Variants in SH3RF3 observed in about 807,000 individuals in gnomAD.
SH3RF3 encodes the protein E3 ubiquitin-protein ligase SH3RF3.
SH3RF3 carries 29 observed loss-of-function variants against 66.3 expected under a neutral mutation model. The observed-to-expected ratio is 0.44, with a 90% CI of 0.33 to 0.60. SH3RF3 has a LOEUF of 0.60. SH3RF3 is among the 20% of genes least tolerant of loss of function. SH3RF3 has a pLI of 0.04. For synonymous variants in SH3RF3, 583 were observed against 532.0 expected (o/e 1.10, Z -1.32); for missense variants, 1,194 against 1,190.9 (o/e 1.00, Z -0.04).
intron 8 of SH3RF3, among the ~76,000 whole-genome samples, chr2:109,461,111 A>C (rs1244885878): frequency 6.6e-6 from 1 of 152,220 alleles, no homozygotes; most frequent in Admixed American, 6.5e-5. Flanking sequence ...TTCCTCATGT[A>C]ACTTACTGGT....
chr2:109,219,176 G>A (rs1238144144), intron 1 of SH3RF3, among the ~76,000 whole-genome samples: 2 of 152,170 alleles, frequency 1.3e-5, no homozygotes, highest in South Asian at 2.1e-4. Context: ...AGGGGCTACC[G>A]CCTGGAGCAT....
intron 1 of SH3RF3, among the ~76,000 whole-genome samples, chr2:109,135,070 A>T (rs1676785924): frequency 6.6e-6 from 1 of 152,184 alleles, no homozygotes; most frequent in East Asian, 1.9e-4. Context: ...CCTACCCAGT[A>T]GGTCTCAAAT....
At chr2:109,409,822 C>G (rs952410719) in intron 4 of SH3RF3, among the ~76,000 whole-genome samples, 5 of 152,050 alleles carry the variant, frequency 3.3e-5, no homozygotes, top group Non-Finnish European at 5.9e-5. Flanking sequence ...GAAGCAAGTT[C>G]ATGAGGGTCT....
At chr2:109,468,372 G>T (rs946624014) in intron 8 of SH3RF3, among the ~76,000 whole-genome samples, 22 of 152,206 alleles carry the variant, frequency 1.4e-4, no homozygotes, top group Admixed American at 1.4e-3. Flanking sequence ...TGCGACATCA[G>T]TAGGCAACAT....
chr2:109,430,352 G>C (rs1314805787), intron 5 of SH3RF3, among the ~76,000 whole-genome samples: 1 of 152,188 alleles, frequency 6.6e-6, no homozygotes, highest in African/African-American at 2.4e-5. Flanking sequence ...CATTGTTACT[G>C]ATTCACAAGC....
At chr2:109,351,451 C>A (rs1048856221) in intron 2 of SH3RF3, among the ~76,000 whole-genome samples, 17 of 152,206 alleles carry the variant, frequency 1.1e-4, no homozygotes, top group Admixed American at 4.6e-4. Context: ...GTGAACTACT[C>A]CATTGTTTGA....
chr2:109,279,623 C>T (rs1369445868), intron 1 of SH3RF3, among the ~76,000 whole-genome samples: 2 of 152,224 alleles, frequency 1.3e-5, no homozygotes, highest in Non-Finnish European at 2.9e-5. Context: ...TTCCCCACCC[C>T]TTCACCTTTT....
intron 3 of SH3RF3, among the ~76,000 whole-genome samples, chr2:109,381,756 G>T (rs763303662): frequency 1.1e-4 from 16 of 152,254 alleles, no homozygotes; most frequent in Middle Eastern, 3.4e-3. Flanking sequence ...TGGAACGAAG[G>T]TGCTCTCGCT....
intron 8 of SH3RF3, among the ~76,000 whole-genome samples, chr2:109,460,390 C>T (rs999225765): frequency 2.6e-5 from 4 of 152,164 alleles, no homozygotes; most frequent in African/African-American, 9.7e-5. Context: ...TGGGGACTCA[C>T]TGTTGTTCTC....
chr2:109,479,101 A>G (rs1678765768), intron 8 of SH3RF3, among the ~76,000 whole-genome samples: 1 of 152,170 alleles, frequency 6.6e-6, no homozygotes, highest in Non-Finnish European at 1.5e-5. Context: ...GAGCACCAGC[A>G]CACACTTCTC....
chr2:109,466,677 A>G (rs78654081), intron 8 of SH3RF3, among the ~76,000 whole-genome samples: 6,859 of 152,128 alleles, frequency 0.045, 460 homozygotes, highest in African/African-American at 0.14. Context: ...ATTTTTCCAT[A>G]TGTTATCTTC....
At chr2:109,300,052 T>G (rs1448364925) in intron 1 of SH3RF3, among the ~76,000 whole-genome samples, 1 of 151,992 alleles carries the variant, frequency 6.6e-6, no homozygotes, top group African/African-American at 2.4e-5. Flanking sequence ...CATGGGTGAG[T>G]GAATGAACAA....
chr2:109,432,426 C>G, intron 5 of SH3RF3, 75 bp from the exon 6 acceptor site: 1 of 1,562,744 alleles, frequency 6.4e-7, no homozygotes, highest in Non-Finnish European at 8.7e-7. Flanking sequence ...AAGACAACCT[C>G]CCCCCAGGAA....
chr2:109,306,102 G>A (rs1031895366), intron 1 of SH3RF3, among the ~76,000 whole-genome samples: 5 of 152,186 alleles, frequency 3.3e-5, no homozygotes, highest in African/African-American at 7.2e-5. Flanking sequence ...TCTACCTCAC[G>A]CTAAAGTTGT....
chr2:109,226,673 G>A (rs924000765), intron 1 of SH3RF3, among the ~76,000 whole-genome samples: 1 of 152,164 alleles, frequency 6.6e-6, no homozygotes, highest in Non-Finnish European at 1.5e-5. Context: ...CCATGCATCT[G>A]CTCCCTTTGT....
chr2:109,322,157 C>T (rs1249509050), intron 1 of SH3RF3, among the ~76,000 whole-genome samples: 1 of 152,138 alleles, frequency 6.6e-6, no homozygotes, highest in East Asian at 1.9e-4. Context: ...AAGAGAGAGA[C>T]AAGACACGGA....
chr2:109,222,246 A>G (rs574392597), intron 1 of SH3RF3, among the ~76,000 whole-genome samples: 5 of 152,348 alleles, frequency 3.3e-5, no homozygotes, highest in Non-Finnish European at 7.4e-5. Context: ...GTATAAACAT[A>G]CAGTCAGAAG....
At chr2:109,321,269 C>T (rs906374273) in intron 1 of SH3RF3, among the ~76,000 whole-genome samples, 11 of 152,174 alleles carry the variant, frequency 7.2e-5, no homozygotes, top group Non-Finnish European at 7.3e-5. Context: ...CTCATTAAAA[C>T]GCCATTCCTT....
intron 1 of SH3RF3, among the ~76,000 whole-genome samples, chr2:109,282,091 T>G (rs1352487925): frequency 1.3e-5 from 2 of 152,090 alleles, no homozygotes; most frequent in Non-Finnish European, 2.9e-5. Context: ...GAAGCCTGTC[T>G]CTAGTTGCAT....
Sources: gnomAD v4.1 joint callset for allele counts (sites outside exome capture counted in the v4.1 genomes callset) on GRCh38, gnomAD v4.1.1 for gene constraint, MANE v1.5 for transcripts, NCBI Gene and HGNC (gene_info 2026-07-23, HGNC 2026-07-21) for gene names.